The following MYO1E variants were observed in gnomAD, a reference collection of about 807,000 sequenced individuals.
The protein encoded by MYO1E is unconventional myosin-Ie.
Under a neutral mutation model 151.1 loss-of-function variants are expected in MYO1E, and 68 were observed. The ratio of observed to expected loss-of-function variants is 0.45; its 90% CI spans 0.37 to 0.55. The LOEUF is 0.55. Ranked by LOEUF, MYO1E falls within the 20% of genes least tolerant of loss-of-function variation. The probability of loss-of-function intolerance (pLI) is 0.00; values close to 1 mark genes in which losing one functional copy is unlikely to be tolerated. For synonymous variants in MYO1E, 601 were observed against 501.7 expected (o/e 1.20, Z -2.64); for missense variants, 1,363 against 1,389.3 (o/e 0.98, Z 0.30).
chr15:59,236,823 G>C (rs1225059424), intron 4 of MYO1E, 151 bp from the exon 5 acceptor site: 1 of 714,092 alleles, frequency 1.4e-6, no homozygotes, highest in African/African-American at 1.8e-5. Flanking sequence ...AATACCAGTA[G>C]AGAAAGGCAA....
At chr15:59,236,385 C>A (rs1416110255) in intron 5 of MYO1E, among the ~76,000 whole-genome samples, 200 bp downstream of exon 5, 1 of 129,550 alleles carries the variant, frequency 7.7e-6, no homozygotes, top group Non-Finnish European at 1.7e-5. Flanking sequence ...CACACACACA[C>A]ACACACACAC....
At chr15:59,370,608 C>G (rs1284101571) in intron 1 of MYO1E, among the ~76,000 whole-genome samples, 1 of 152,180 alleles carries the variant, frequency 6.6e-6, no homozygotes, top group African/African-American at 2.4e-5. Context: ...CAGATAGAAC[C>G]ACCTCTTCCC....
chr15:59,344,185 T>A (rs1242467526), intron 1 of MYO1E, among the ~76,000 whole-genome samples: 1 of 152,252 alleles, frequency 6.6e-6, no homozygotes, highest in Admixed American at 6.5e-5. Context: ...GGGACTTGGT[T>A]GTTATGATCT....
Position 59,163,256 on chromosome 15 carries a change from C to A in MYO1E, c.2528G>T (p.Ser843Ile), listed in dbSNP as rs1345880780. ...AGTTTTGAAGACAGATTCAAGCAAA[C>A]TGTCATACTCTTGCTCATGGAGAAT... ...IFILHEQEYD[S>I]LLESVFKTEF... Residue 843 changes from serine to isoleucine, a missense_variant, in exon 23 of 28, where the codon AGT (serine) becomes ATT (isoleucine). Coordinates refer to ENST00000288235, the MANE Select transcript of MYO1E (RefSeq NM_004998.4). 1.2e-6 allele frequency: 2 copies of A among 1,613,668 alleles called. No individual in the cohort carries two copies. The highest frequency in any genetic ancestry group is 1.7e-6 in the Non-Finnish European group (2 of 1,179,698).
chr15:59,319,549 C>CGT (rs2080611577), intron 1 of MYO1E, among the ~76,000 whole-genome samples: 1 of 77,432 alleles, frequency 1.3e-5, no homozygotes, highest in Non-Finnish European at 2.5e-5. Flanking sequence ...AGTCAAACTA[C>CGT]CTTTTTTTTT....
intron 17 of MYO1E, among the ~76,000 whole-genome samples, chr15:59,192,559 G>T (rs2140328410): frequency 6.6e-6 from 1 of 152,296 alleles, no homozygotes; most frequent in African/African-American, 2.4e-5. Context: ...ATGCCCAGTT[G>T]TTCCCTAGGC....
rs2079359785 is a variant in MYO1E, at chr15:59,134,288, C to T, written c.*3092G>A. On this transcript the variant is annotated 3_prime_UTR_variant, in exon 28 of 28. Transcript: ENST00000288235. Reference sequence around the variant, plus strand: ...GGGAGGTCAGTGGGTTGGCATCCTTCATGGTTGGGGAGCAAGCTTATTCAA... The same window carrying T: ...GGGAGGTCAGTGGGTTGGCATCCTTTATGGTTGGGGAGCAAGCTTATTCAA... 1 of 152,320 alleles carries T rather than the reference C, an allele frequency of 6.6e-6. No homozygotes were observed. Among genetic ancestry groups the T allele is most frequent in the Non-Finnish European group, 1.5e-5 (1 of 68,068 alleles). 9.4% of individuals were successfully genotyped at this position (152,320 alleles called of 1,614,324 possible). A position where few individuals can be genotyped will look rare whatever the true frequency, so the allele number is the denominator to read the frequency against.
intron 4 of MYO1E, among the ~76,000 whole-genome samples, chr15:59,249,366 A>T (rs559482582): frequency 6.7e-6 from 1 of 150,296 alleles, no homozygotes; most frequent in Admixed American, 6.7e-5. Context: ...CAGAGGTTGC[A>T]GTGAGCTGAG....
intron 1 of MYO1E, among the ~76,000 whole-genome samples, chr15:59,352,082 C>T (rs1206857878): frequency 6.6e-6 from 1 of 152,054 alleles, no homozygotes; most frequent in African/African-American, 2.4e-5. Flanking sequence ...GAAGAGGCAC[C>T]CCGGGTTGAT....
chr15:59,184,165 C>T (rs1433912179), intron 18 of MYO1E, among the ~76,000 whole-genome samples: 2 of 152,090 alleles, frequency 1.3e-5, no homozygotes, highest in African/African-American at 2.4e-5. Flanking sequence ...CGCCACCACA[C>T]CTGGCTAATT....
intron 15 of MYO1E, among the ~76,000 whole-genome samples, chr15:59,203,493 C>A (rs2079814782): frequency 6.6e-6 from 1 of 151,852 alleles, no homozygotes; most frequent in African/African-American, 2.4e-5. Context: ...GATTCTCCTG[C>A]CTCAGCCTCC....
intron 19 of MYO1E, 26 bp downstream of exon 19, chr15:59,178,367 G>T (rs1187426543): frequency 3.7e-6 from 6 of 1,613,504 alleles, no homozygotes; most frequent in Non-Finnish European, 5.1e-6. Context: ...GGAGGGAAGA[G>T]AGTGGAGAGC....
At chr15:59,186,573 G>A (rs1258052858) in intron 18 of MYO1E, among the ~76,000 whole-genome samples, 4 of 152,140 alleles carry the variant, frequency 2.6e-5, no homozygotes, top group African/African-American at 4.8e-5. Flanking sequence ...GCAACATAGC[G>A]AGACCCTGTC....
chr15:59,268,385 G>T (rs191014458), intron 2 of MYO1E, among the ~76,000 whole-genome samples: 41 of 152,190 alleles, frequency 2.7e-4, no homozygotes, highest in Non-Finnish European at 5.1e-4. Context: ...CATTTCCTTG[G>T]TAGAACACAC....
chr15:59,285,318 G>C (rs1348941369), intron 1 of MYO1E, among the ~76,000 whole-genome samples: 1 of 79,220 alleles, frequency 1.3e-5, no homozygotes, highest in Non-Finnish European at 2.6e-5. Context: ...AGGAGTTTGA[G>C]AACAGCCTGG....
At chr15:59,205,137 G>A (rs537730868) in intron 15 of MYO1E, among the ~76,000 whole-genome samples, 1 of 152,296 alleles carries the variant, frequency 6.6e-6, no homozygotes, top group East Asian at 1.9e-4. Flanking sequence ...AACATCACAG[G>A]TGTTTTGTTT....
intron 8 of MYO1E, 31 bp downstream of exon 8, chr15:59,224,658 A>C: frequency 1.9e-6 from 3 of 1,614,022 alleles, no homozygotes; most frequent in Non-Finnish European, 2.5e-6. Context: ...TTGGGAGAGC[A>C]GATCCTGCCT....
At chr15:59,342,606 T>A (rs1898386308) in intron 1 of MYO1E, among the ~76,000 whole-genome samples, 1 of 152,226 alleles carries the variant, frequency 6.6e-6, no homozygotes, top group South Asian at 2.1e-4. Flanking sequence ...TTAGTCTATT[T>A]ACATTCAATG....
chr15:59,214,830 A>G (rs755504917), intron 10 of MYO1E, 110 bp from the exon 11 acceptor site: 9 of 834,584 alleles, frequency 1.1e-5, no homozygotes, highest in Non-Finnish European at 1.5e-5. Context: ...TACTGCTTGC[A>G]GGAAACAGAG....
Sources: gnomAD v4.1 joint callset for allele counts (sites outside exome capture counted in the v4.1 genomes callset) on GRCh38, gnomAD v4.1.1 for gene constraint, MANE v1.5 for transcripts, NCBI Gene and HGNC (gene_info 2026-07-23, HGNC 2026-07-21) for gene names.